NRIP1: variants seen among roughly 807,000 people sequenced by gnomAD.
NRIP1 encodes nuclear receptor-interacting protein 1.
In NRIP1, 28 loss-of-function variants were observed where a neutral mutation model predicts 75.0. The observed-to-expected ratio is 0.37, with a 90% CI of 0.28 to 0.51. The LOEUF (loss-of-function observed/expected upper bound fraction) is 0.51. Ranked by LOEUF, NRIP1 falls within the 20% of genes least tolerant of loss-of-function variation. The probability of loss-of-function intolerance (pLI) is 0.92; values close to 1 mark genes in which losing one functional copy is unlikely to be tolerated. For synonymous variants in NRIP1, 526 were observed against 487.6 expected, an observed-to-expected ratio of 1.08 and a Z score of -1.04; for missense variants, 1,435 against 1,343.7, an observed-to-expected ratio of 1.07 and a Z score of -1.06.
chr21:15,010,239 G>C (rs770124813), intron 3 of NRIP1, among the ~76,000 whole-genome samples: 7 of 152,176 alleles, frequency 4.6e-5, no homozygotes, highest in Non-Finnish European at 1.0e-4. Context: ...AAATGTAGCA[G>C]AGAATCAAGG....
At chr21:14,989,336 C>G (rs763253026) in intron 3 of NRIP1, among the ~76,000 whole-genome samples, 3 of 152,092 alleles carry the variant, frequency 2.0e-5, no homozygotes, top group African/African-American at 7.2e-5. Context: ...TTTGTAGGGG[C>G]GGAACCAACA....
At chr21:15,062,364 G>A (rs559812871) in intron 1 of NRIP1, among the ~76,000 whole-genome samples, 6 of 152,292 alleles carry the variant, frequency 3.9e-5, no homozygotes, top group African/African-American at 1.4e-4. Context: ...TAGTTGTAAT[G>A]CTCTCCTGTA....
At chr21:15,015,855 A>G (rs1026669460) in intron 2 of NRIP1, among the ~76,000 whole-genome samples, 1 of 152,170 alleles carries the variant, frequency 6.6e-6, no homozygotes, top group Non-Finnish European at 1.5e-5. Flanking sequence ...GTAAATACAT[A>G]CATATTATTT....
rs192606773 is a variant in NRIP1, at chr21:15,019,093, T to C, written c.-457-4627A>G. Among the ~76,000 whole-genome samples the C allele has an allele frequency of 1.5e-3, 232 of 150,200 alleles. 2 individuals carry two copies. Among genetic ancestry groups the C allele is most frequent in the South Asian group, 0.011 (51 of 4,816 alleles). ...GATAATCATGTGAGTTTTTACTCTT[T>C]TATGTGGGTTTTTAGTCTTTTAGTC... On this transcript the variant is annotated intron_variant, in intron 2 of 3. Coordinates refer to ENST00000318948, the MANE Select transcript of NRIP1 (RefSeq NM_003489.4).
At position 14,962,015 on chromosome 21, in the gene NRIP1, T is replaced by TTATATATA. The variant is rs58275735; in HGVS notation, c.*2693_*2700dup. ...AAGTCAATATATATATATATACATATTATATATATATATATATATATATAT... is the reference window on the plus strand; with the variant it reads ...AAGTCAATATATATATATATACATATTATATATATATATATATATATATATATATATAT... On this transcript the variant is annotated 3_prime_UTR_variant, in exon 4 of 4. Coordinates refer to ENST00000318948, the MANE Select transcript of NRIP1 (RefSeq NM_003489.4). The TTATATATA allele has an allele frequency of 2.8e-4, 39 of 140,510 alleles. No individual in the cohort carries two copies. Among genetic ancestry groups the TTATATATA allele is most frequent in the Non-Finnish European group, 4.3e-4 (28 of 64,736 alleles). The allele number at this position is 140,510 out of a possible 1,614,324, so 8.7% of individuals were successfully genotyped here.
chr21:15,048,178 T>C (rs2089127865), intron 1 of NRIP1, among the ~76,000 whole-genome samples: 2 of 152,148 alleles, frequency 1.3e-5, no homozygotes, highest in South Asian at 4.1e-4. Flanking sequence ...ATGACACATA[T>C]AATAATATGA....
intron 3 of NRIP1, 128 bp downstream of exon 3, chr21:15,014,216 T>G: frequency 2.7e-6 from 1 of 372,172 alleles, no homozygotes; most frequent in Non-Finnish European, 4.8e-6. Context: ...ATGAAGTAAC[T>G]TGCACAGATG....
At chr21:14,968,602 A>G (rs1345146382) in intron 3 of NRIP1, 76 bp from the exon 4 acceptor site, 2 of 166,022 alleles carry the variant, frequency 1.2e-5, no homozygotes, top group Non-Finnish European at 2.7e-5. Flanking sequence ...GCAAAATAAT[A>G]TAGCATCTGT....
Position 14,966,181 on chromosome 21 carries a change from CTATT to C in NRIP1, c.2008_2011del (p.Asn670AlafsTer33), listed in dbSNP as rs2086733431. ...ATTTGTTTTATTTGAGAGCAAAGGG[CTATT>C]TAATCTATCAATCATACCTATCGGT... On this transcript the variant is annotated frameshift_variant, in exon 4 of 4. Coordinates refer to ENST00000318948, the MANE Select transcript of NRIP1 (RefSeq NM_003489.4). LOFTEE classifies it high-confidence loss of function. 6.2e-7 allele frequency: 1 copy of C among 1,613,402 alleles called. No homozygotes were observed. The highest frequency in any genetic ancestry group is 1.1e-5 in the South Asian group (1 of 90,974).
intron 2 of NRIP1, among the ~76,000 whole-genome samples, chr21:15,019,349 T>G (rs1250238110): frequency 1.3e-5 from 2 of 150,196 alleles, no homozygotes; most frequent in African/African-American, 4.9e-5. Flanking sequence ...AAAATTATCC[T>G]TATATGCAGG....
intron 3 of NRIP1, among the ~76,000 whole-genome samples, chr21:14,978,590 T>A (rs2087142780): frequency 2.0e-5 from 3 of 152,198 alleles, no homozygotes; most frequent in Admixed American, 6.5e-5. Flanking sequence ...AGATTTAAGA[T>A]CTTTGATGAC....
At chr21:15,024,439 G>T (rs1381723385) in intron 2 of NRIP1, among the ~76,000 whole-genome samples, 2 of 152,158 alleles carry the variant, frequency 1.3e-5, no homozygotes, top group Non-Finnish European at 1.5e-5. Context: ...CTACTAGGGA[G>T]GCTGAAGCAG....
At chr21:15,001,496 T>C (rs760021498) in intron 3 of NRIP1, among the ~76,000 whole-genome samples, 6 of 152,166 alleles carry the variant, frequency 3.9e-5, no homozygotes, top group Non-Finnish European at 8.8e-5. Flanking sequence ...ATTCCTTTCA[T>C]ATTAAGTAAC....
At chr21:15,040,679 G>A (rs2088932318) in intron 2 of NRIP1, among the ~76,000 whole-genome samples, 1 of 152,004 alleles carries the variant, frequency 6.6e-6, no homozygotes, top group Non-Finnish European at 1.5e-5. Context: ...ACGATCATAA[G>A]TACATAGAGG....
intron 3 of NRIP1, chr21:14,974,317 G>C (rs1479483244): frequency 6.6e-6 from 1 of 152,084 alleles, no homozygotes; most frequent in Non-Finnish European, 1.5e-5. Context: ...CCAGATTTCA[G>C]GTATGTGTTT....
At chr21:14,975,669 G>GAGAA (rs72349516) in intron 3 of NRIP1, among the ~76,000 whole-genome samples, 1 of 138,908 alleles carries the variant, frequency 7.2e-6, no homozygotes, top group Admixed American at 7.0e-5. Flanking sequence ...GAGAGAGAGA[G>GAGAA]AGAAAGAAAG....
In NRIP1 at chr21:14,962,538, A is replaced by G. The variant is rs868805037; in HGVS notation, c.*2178T>C. The stretch of plus-strand genomic sequence containing the variant: ...CCCCTACCCAAGGGAGAATACCAAC[A>G]TATTTTTTCTGACATACCTCTAAGG... On this transcript the variant is annotated 3_prime_UTR_variant, in exon 4 of 4. Transcript: ENST00000318948. 36 of 152,398 alleles carry G rather than the reference A, an allele frequency of 2.4e-4. No individual in the cohort carries two copies. Among genetic ancestry groups the G allele is most frequent in the African/African-American group, 7.7e-4 (32 of 41,414 alleles). The allele number at this position is 152,398 out of a possible 1,614,324, so 9.4% of individuals were successfully genotyped here.
At chr21:15,041,916 A>G (rs1210911173) in intron 2 of NRIP1, among the ~76,000 whole-genome samples, 2 of 152,138 alleles carry the variant, frequency 1.3e-5, no homozygotes, top group Non-Finnish European at 2.9e-5. Context: ...TCTTTCACAG[A>G]CCTAATTTGC....
At chr21:15,065,823 G>C (rs1978839609), upstream of NRIP1, 4 of 152,448 alleles carry the variant, frequency 2.6e-5, no homozygotes, top group Admixed American at 2.6e-4. Context: ...AGCGGAGTCT[G>C]TCAGCCAATC....
Sources: allele counts gnomAD v4.1 joint callset (sites outside exome capture counted in the v4.1 genomes callset), GRCh38; gene constraint gnomAD v4.1.1; transcripts MANE v1.5; gene names NCBI Gene and HGNC (gene_info 2026-07-23, HGNC 2026-07-21).